Variants in RAB8A observed in about 807,000 individuals in gnomAD.
RAB8A encodes RAB8A, member RAS oncogene family.
A neutral mutation model predicts 29.2 loss-of-function variants in RAB8A; 5 were observed. The ratio of observed to expected loss-of-function variants is 0.17; its 90% confidence interval spans 0.09 to 0.36. RAB8A has a LOEUF of 0.36. Among genes scored for constraint, RAB8A ranks in the 10% least tolerant of loss-of-function variants. The probability of loss-of-function intolerance (pLI) is 1.00; values close to 1 mark genes in which losing one functional copy is unlikely to be tolerated. For missense variants in RAB8A, 171 were observed against 272.2 expected (o/e 0.63, Z 2.62); for synonymous variants, 108 against 99.9 (o/e 1.08, Z -0.49).
At chr19:16,114,551 A>ATTTTT (rs758614217) in intron 1 of RAB8A, among the ~76,000 whole-genome samples, 4 of 117,762 alleles carry the variant, frequency 3.4e-5, no homozygotes, top group Non-Finnish European at 7.1e-5. Flanking sequence ...TAATTTTTGT[A>ATTTTT]TTTTTTTTTT....
intron 7 of RAB8A, among the ~76,000 whole-genome samples, chr19:16,131,961 T>C (rs1391544823): frequency 1.3e-5 from 2 of 150,414 alleles, no homozygotes; most frequent in Non-Finnish European, 3.0e-5. Flanking sequence ...TGATGGCTGA[T>C]TGGTTGGTTG....
In RAB8A at chr19:16,114,630, C is replaced by T. The variant is rs370999210; in HGVS notation, c.124+2605C>T. On this transcript the variant is annotated intron_variant, in intron 1 of 7. Coordinates refer to ENST00000300935, the MANE Select transcript of RAB8A (RefSeq NM_005370.5). ...GGTCTCGAACTCCTGACCTCGTGAC[C>T]GCCCACCTTGGCCTCCCAAAGTGCT... Among the ~76,000 whole-genome samples the T allele has an allele frequency of 9.3e-5, 14 of 150,436 alleles. No individual in the cohort carries two copies. The East Asian group carries it at 2.6e-3, about 28-fold the overall frequency.
In RAB8A at chr19:16,134,046, C is replaced by T. The variant is rs1212049934; in HGVS notation, c.*1742C>T. 2 of 152,336 alleles carry T rather than the reference C, an allele frequency of 1.3e-5. No individual in the cohort carries two copies. Among genetic ancestry groups the T allele is most frequent in the African/African-American group, 4.8e-5 (2 of 41,448 alleles). The allele number at this position is 152,336 out of a possible 1,614,324, so 9.4% of individuals were successfully genotyped here. A position where few individuals can be genotyped will look rare whatever the true frequency, so the allele number is the denominator to read the frequency against. Reference sequence around the variant, plus strand: ...ATCCAGGGTCCTTCCCAAGACCACACCCAGGTCCAGTCATTCCCTAGGACT... The same window carrying T: ...ATCCAGGGTCCTTCCCAAGACCACATCCAGGTCCAGTCATTCCCTAGGACT... On this transcript the variant is annotated 3_prime_UTR_variant, in exon 8 of 8. Coordinates refer to ENST00000300935, the MANE Select transcript of RAB8A (RefSeq NM_005370.5).
At chr19:16,129,476 A>G (rs1599399711) in intron 6 of RAB8A, 78 bp from the exon 7 acceptor site, 1 of 1,450,896 alleles carries the variant, frequency 6.9e-7, no homozygotes, top group Non-Finnish European at 9.7e-7. Flanking sequence ...AAGCTGTCTC[A>G]CCACACCCGC....
chr19:16,120,714 G>A (rs112197414), intron 2 of RAB8A, among the ~76,000 whole-genome samples: 21 of 151,096 alleles, frequency 1.4e-4, no homozygotes, highest in African/African-American at 2.4e-4. Context: ...AGGTTCAAGC[G>A]ATTGTTGTGT....
rs778785985 is a variant in RAB8A, at chr19:16,127,489, A to G, written c.377A>G (p.Asn126Ser). ...KMILGNKCDV[N>S]DKRQVSKERG... Reference sequence around the variant, plus strand: ...ATACTCGGGAACAAGTGTGATGTGAATGACAAGAGACAAGTTTCCAAGGAA... The same window carrying G: ...ATACTCGGGAACAAGTGTGATGTGAGTGACAAGAGACAAGTTTCCAAGGAA... The change falls in exon 5 of 8, where the codon AAT (asparagine) becomes AGT (serine). Residue 126 changes from asparagine to serine, a missense_variant. Physicochemically the swap from Asn to Ser is conservative, Grantham distance 46 (BLOSUM62 1). This residue lies in a region of RAB8A where 145 missense variants were observed against 212.8 expected (regional missense o/e 0.68). Coordinates refer to ENST00000300935, the MANE Select transcript of RAB8A (RefSeq NM_005370.5). This position sits in a 1 kb window ranked among gnomAD's most constrained non-coding sequence, Gnocchi z 4.8. 1.9e-6 allele frequency: 3 copies of G among 1,540,040 alleles called. No homozygotes were observed. In the Admixed American group the frequency reaches 6.5e-5, roughly 33 times the overall value.
chr19:16,132,450 GA>G lies in RAB8A; in HGVS notation c.*149del. The G allele has an allele frequency of 1.5e-6, 1 of 665,746 alleles. No homozygotes were observed. The highest frequency in any genetic ancestry group is 2.8e-5 in the East Asian group (1 of 35,924). The allele number at this position is 665,746 out of a possible 1,614,324, so 41.2% of individuals were successfully genotyped here. ...CCCACGGCCACCAGAATGCAATTGA[GA>G]AATCGTTTATTTTAGTAACTGTCTG... On this transcript the variant is annotated 3_prime_UTR_variant, in exon 8 of 8. Coordinates refer to ENST00000300935, the MANE Select transcript of RAB8A (RefSeq NM_005370.5). This position sits in a 1 kb window ranked among gnomAD's most constrained non-coding sequence, Gnocchi z 5.6.
intron 7 of RAB8A, among the ~76,000 whole-genome samples, chr19:16,130,912 C>T (rs1288412554): frequency 1.3e-5 from 2 of 152,140 alleles, no homozygotes; most frequent in African/African-American, 4.8e-5. Flanking sequence ...CAACCTCTGC[C>T]TCCCAGGTTC....
chr19:16,127,364 AGACT>A lies in RAB8A; in HGVS notation c.325-71_325-68del, dbSNP rs2090906627. The A allele has an allele frequency of 3.0e-6, 3 of 1,002,054 alleles. No homozygotes were observed. In the South Asian group the frequency reaches 8.0e-5, roughly 27 times the overall value. The allele number at this position is 1,002,054 out of a possible 1,614,324, so 62.1% of individuals were successfully genotyped here. The stretch of plus-strand genomic sequence containing the variant: ...CCCCACCGCTCTGATTTCTGGGGAC[AGACT>A]GTGTGTTGGCAGAGGCACCTGGCCT... On this transcript the variant is annotated intron_variant, in intron 4 of 7. Coordinates refer to ENST00000300935, the MANE Select transcript of RAB8A (RefSeq NM_005370.5). This position sits in a 1 kb window ranked among gnomAD's most constrained non-coding sequence, Gnocchi z 4.8.
intron 1 of RAB8A, among the ~76,000 whole-genome samples, chr19:16,114,377 CTTTT>C (rs35265465): frequency 4.3e-5 from 5 of 117,146 alleles, no homozygotes; most frequent in African/African-American, 6.6e-5. Context: ...AAACCCCCCT[CTTTT>C]TTTTTTTTTT....
rs1210290962 is a variant in RAB8A at position 16,114,933 on chromosome 19, A to G, written c.124+2908A>G. ...AGGCCTCATAAAGTTTACACTTCCT[A>G]ATTAAATTTGGCATGTTAATAAAAC... On this transcript the variant is annotated intron_variant, in intron 1 of 7. Transcript: ENST00000300935. Among the ~76,000 whole-genome samples, 3 of 151,842 alleles carry G rather than the reference A, an allele frequency of 2.0e-5. No homozygotes were observed. In the East Asian group the frequency reaches 5.8e-4, roughly 29 times the overall value.
intron 6 of RAB8A, 72 bp from the exon 7 acceptor site, chr19:16,129,482 C>A: frequency 6.7e-7 from 1 of 1,482,192 alleles, no homozygotes; most frequent in Non-Finnish European, 9.4e-7. Context: ...TCTCACCACA[C>A]CCGCTGTACA....
chr19:16,112,007 A>G lies in RAB8A; in HGVS notation c.106A>G (p.Thr36Ala), dbSNP rs745787780. Residue 36 changes from threonine to alanine, a missense_variant, in exon 1 of 8, where the codon ACT (threonine) becomes GCT (alanine). Thr to Ala is a moderately conservative substitution (Grantham distance 58, BLOSUM62 0). This residue lies in a region of RAB8A where 26 missense variants were observed against 42.9 expected (regional missense o/e 0.61). Coordinates refer to ENST00000300935, the MANE Select transcript of RAB8A (RefSeq NM_005370.5). ...CTTCTCCGAGGACGCCTTCAACTCC[A>G]CTTTTATCTCCACCATAGGTAACGG... ...FRFSEDAFNS[T>A]FISTIGIDFK... The G allele has an allele frequency of 1.9e-6, 3 of 1,613,858 alleles. No individual in the cohort carries two copies. In the South Asian group the frequency reaches 3.3e-5, roughly 18 times the overall value.
intron 6 of RAB8A, among the ~76,000 whole-genome samples, chr19:16,128,975 G>A (rs1454453441): frequency 6.6e-6 from 1 of 152,190 alleles, no homozygotes; most frequent in East Asian, 1.9e-4. Flanking sequence ...CCTCAAGGCT[G>A]TGACAGCAGC....
chr19:16,119,306 A>G (rs925330691), intron 2 of RAB8A, among the ~76,000 whole-genome samples: 3 of 151,976 alleles, frequency 2.0e-5, no homozygotes, highest in African/African-American at 7.3e-5. Context: ...CCCGGGTTCA[A>G]GTGATTCTCC....
At position 16,123,068 on chromosome 19, in the gene RAB8A, C is replaced by T. The variant is rs531335323; in HGVS notation, c.246+1258C>T. Among the ~76,000 whole-genome samples the T allele has an allele frequency of 6.3e-4, 96 of 152,326 alleles. 1 individual carries two copies. The highest frequency in any genetic ancestry group is 2.2e-3 in the African/African-American group (92 of 41,580). ...ATCTCATTGCATTTTGGCTGTGAAC[C>T]TCTTTGTGCAGGCGCCATTGTCATC... On this transcript the variant is annotated intron_variant, in intron 3 of 7. Transcript: ENST00000300935.
rs1157155598 is a variant in RAB8A, at chr19:16,125,040, G to A, written c.247-430G>A. 1 of 267,916 alleles carries A rather than the reference G, an allele frequency of 3.7e-6. No individual in the cohort carries two copies. Among genetic ancestry groups the A allele is most frequent in the Non-Finnish European group, 7.6e-6 (1 of 132,358 alleles). 16.6% of individuals were successfully genotyped at this position (267,916 alleles called of 1,614,324 possible). A position where few individuals can be genotyped will look rare whatever the true frequency, so the allele number is the denominator to read the frequency against. On this transcript the variant is annotated intron_variant, in intron 3 of 7. Coordinates refer to ENST00000300935, the MANE Select transcript of RAB8A (RefSeq NM_005370.5). The surrounding 1 kb of genome is among the most constrained non-coding windows in gnomAD (Gnocchi z 5.0). ...GTGCCTGGTAGGTGGCTCAGGCAGAGCGTGGGGTGAGCAAGGGGTGAAGAG... is the reference window on the plus strand; with the variant it reads ...GTGCCTGGTAGGTGGCTCAGGCAGAACGTGGGGTGAGCAAGGGGTGAAGAG...
At chr19:16,128,229 G>A (rs1196738271) in intron 6 of RAB8A, 138 bp downstream of exon 6, 2 of 914,158 alleles carry the variant, frequency 2.2e-6, no homozygotes, top group Non-Finnish European at 3.4e-6. Flanking sequence ...AGTCCTCTGA[G>A]GGACATTTCC....
chr19:16,127,545 G>A lies in RAB8A; in HGVS notation c.414+19G>A. 6.7e-7 allele frequency: 1 copy of A among 1,488,526 alleles called. No individual in the cohort carries two copies. The highest frequency in any genetic ancestry group is 9.0e-7 in the Non-Finnish European group (1 of 1,114,386). The allele number at this position is 1,488,526 out of a possible 1,614,324, so 92.2% of individuals were successfully genotyped here. On this transcript the variant is annotated intron_variant, in intron 5 of 7. Transcript: ENST00000300935. This position sits in a 1 kb window ranked among gnomAD's most constrained non-coding sequence, Gnocchi z 4.8. ...AGAAAAGGTGGGCATGGTGGCACAA[G>A]GGGCAGAGGGCCTCGGGGTCTTGGG...
Sources: allele counts gnomAD v4.1 joint callset (sites outside exome capture counted in the v4.1 genomes callset), GRCh38; gene constraint gnomAD v4.1.1; regional missense constraint gnomAD v4.1.1; non-coding constraint Gnocchi (gnomAD v3.1); transcripts MANE v1.5; gene names NCBI Gene and HGNC (gene_info 2026-07-23, HGNC 2026-07-21).